Variants in SGCD observed in about 807,000 individuals in gnomAD.
SGCD encodes delta-sarcoglycan.
In SGCD, 18 loss-of-function variants were observed where a neutral mutation model predicts 36.6. The ratio of observed to expected loss-of-function variants is 0.49; its 90% CI spans 0.34 to 0.73. The LOEUF (loss-of-function observed/expected upper bound fraction) is 0.73. SGCD is among the 30% of genes least tolerant of loss of function. The pLI, the probability that SGCD is intolerant of heterozygous loss-of-function variation, is 0.01. For missense variants in SGCD, 387 were observed against 346.7 expected (o/e 1.12, Z -0.92); for synonymous variants, 133 against 130.6 (o/e 1.02, Z -0.12).
intron 6 of SGCD, among the ~76,000 whole-genome samples, chr5:156,607,882 G>A (rs577646134): frequency 2.7e-4 from 41 of 152,108 alleles, no homozygotes; most frequent in African/African-American, 4.6e-4. Context: ...CTGTTGGATC[G>A]GTGGTGATAT....
intron 3 of SGCD, among the ~76,000 whole-genome samples, chr5:156,165,129 G>A (rs542376960): frequency 2.3e-4 from 35 of 152,280 alleles, no homozygotes; most frequent in Non-Finnish European, 4.4e-4. Flanking sequence ...TGTAATGATA[G>A]CGAGGGCTGC....
intron 3 of SGCD, among the ~76,000 whole-genome samples, chr5:156,185,945 T>C (rs1346431231): frequency 6.8e-6 from 1 of 146,408 alleles, no homozygotes; most frequent in Non-Finnish European, 1.5e-5. Flanking sequence ...TTCAGAACTC[T>C]TCAGGACTTG....
intron 1 of SGCD, among the ~76,000 whole-genome samples, chr5:155,942,278 G>A (rs1429262379): frequency 6.6e-6 from 1 of 151,312 alleles, no homozygotes; most frequent in African/African-American, 2.4e-5. Flanking sequence ...TATCATCTAT[G>A]TATCTATGTA....
At chr5:156,683,877 GCTATTCTAATTCAAGGGAAACT>G (rs1279346507) in intron 7 of SGCD, among the ~76,000 whole-genome samples, 1 of 152,190 alleles carries the variant, frequency 6.6e-6, no homozygotes, top group Non-Finnish European at 1.5e-5. Flanking sequence ...GAATGACATA[GCTATTCTAATTCAAGGGAAACT>G]TTCAGGAGTT....
At chr5:156,751,271 A>G (rs971006214) in intron 7 of SGCD, among the ~76,000 whole-genome samples, 1 of 152,144 alleles carries the variant, frequency 6.6e-6, no homozygotes, top group Non-Finnish European at 1.5e-5. Context: ...TGTTGAGATA[A>G]TCTCCATCTC....
chr5:156,079,472 T>A (rs1360018079), intron 1 of SGCD, among the ~76,000 whole-genome samples: 1 of 152,136 alleles, frequency 6.6e-6, no homozygotes, highest in African/African-American at 2.4e-5. Flanking sequence ...GAGCCCAAAG[T>A]CTCATCTGGA....
At chr5:156,325,387 G>GTATT (rs1245891949), upstream of SGCD, among the ~76,000 whole-genome samples, 1 of 151,138 alleles carries the variant, frequency 6.6e-6, no homozygotes, top group Non-Finnish European at 1.5e-5. Flanking sequence ...AAACTGAAAT[G>GTATT]TATTTATAGG....
intron 3 of SGCD, among the ~76,000 whole-genome samples, chr5:156,388,243 AG>A (rs1771380227): frequency 6.6e-6 from 1 of 152,230 alleles, no homozygotes; most frequent in South Asian, 2.1e-4. Flanking sequence ...AGTGAGTGGA[AG>A]AACTGTATTT....
At chr5:156,223,254 A>G (rs1764763766) in intron 3 of SGCD, among the ~76,000 whole-genome samples, 1 of 152,102 alleles carries the variant, frequency 6.6e-6, no homozygotes, top group South Asian at 2.1e-4. Context: ...GTGGAAACTC[A>G]GGGCCTGTTG....
intron 6 of SGCD, among the ~76,000 whole-genome samples, chr5:156,617,155 A>G (rs1276849201): frequency 1.3e-5 from 2 of 152,236 alleles, no homozygotes; most frequent in Non-Finnish European, 2.9e-5. Flanking sequence ...CACCTGGCAC[A>G]TAATAACTGC....
chr5:155,915,555 C>T (rs956600452), intron 1 of SGCD, among the ~76,000 whole-genome samples: 3 of 152,096 alleles, frequency 2.0e-5, no homozygotes, highest in Non-Finnish European at 4.4e-5. Context: ...TAAATGTCTA[C>T]AAAACATAGC....
At chr5:156,209,048 A>G (rs1055208293) in intron 3 of SGCD, among the ~76,000 whole-genome samples, 4 of 152,136 alleles carry the variant, frequency 2.6e-5, no homozygotes, top group Admixed American at 2.0e-4. Context: ...AGCACCAGAC[A>G]TTGCCTCAGA....
intron 1 of SGCD, among the ~76,000 whole-genome samples, chr5:156,065,375 A>G (rs1221602234): frequency 8.1e-6 from 1 of 122,904 alleles, no homozygotes; most frequent in Admixed American, 7.8e-5. Context: ...CAATTTTGGA[A>G]TAGGTGTGGT....
the SGCD span, among the ~76,000 whole-genome samples, chr5:155,764,705 T>C: frequency 6.6e-6 from 1 of 152,096 alleles, no homozygotes; most frequent in African/African-American, 2.4e-5. Flanking sequence ...ACTCCATTCA[T>C]GGGGACAGTA....
intron 3 of SGCD, among the ~76,000 whole-genome samples, chr5:156,380,887 G>T (rs943455352): frequency 2.0e-5 from 3 of 152,110 alleles, no homozygotes; most frequent in Non-Finnish European, 4.4e-5. Flanking sequence ...TTTTTCTCTC[G>T]TAAGTCGAGT....
the SGCD span, among the ~76,000 whole-genome samples, chr5:155,742,520 G>A: frequency 3.9e-5 from 6 of 152,166 alleles, no homozygotes; most frequent in African/African-American, 1.2e-4. Flanking sequence ...GAACCCATGA[G>A]GATTCAGAGA....
chr5:155,840,881 C>T, the SGCD span, among the ~76,000 whole-genome samples: 5 of 151,744 alleles, frequency 3.3e-5, no homozygotes, highest in South Asian at 6.3e-4. Flanking sequence ...CATGGTGGCA[C>T]ATGCCTGTAA....
At chr5:156,702,818 T>G (rs1210828336) in intron 7 of SGCD, among the ~76,000 whole-genome samples, 4 of 150,952 alleles carry the variant, frequency 2.6e-5, no homozygotes, top group Non-Finnish European at 5.9e-5. Context: ...TAAACTATCT[T>G]CTCAATGATG....
At chr5:156,644,634 G>A (rs1406870769) in intron 6 of SGCD, among the ~76,000 whole-genome samples, 2 of 151,644 alleles carry the variant, frequency 1.3e-5, no homozygotes, top group African/African-American at 4.8e-5. Flanking sequence ...AAAAGAGGTT[G>A]CTAAAGGCAG....
Sources: allele counts gnomAD v4.1 joint callset (sites outside exome capture counted in the v4.1 genomes callset), GRCh38; gene constraint gnomAD v4.1.1; transcripts MANE v1.5; gene names NCBI Gene and HGNC (gene_info 2026-07-23, HGNC 2026-07-21).